Variants in TBC1D13 observed in about 807,000 individuals in gnomAD.
The protein encoded by TBC1D13 is TBC1 domain family member 13, also known as epididymis secretory sperm binding protein.
Under a neutral mutation model 53.6 loss-of-function variants are expected in TBC1D13, and 40 were observed. The ratio of observed to expected loss-of-function variants is 0.75; its 90% CI spans 0.58 to 0.97. TBC1D13 has a LOEUF of 0.97. TBC1D13 is among the 50% of genes least tolerant of loss of function. The pLI is 0.00. For missense variants in TBC1D13, 377 were observed against 499.4 expected (o/e 0.75, Z 2.34); for synonymous variants, 182 against 197.7 (o/e 0.92, Z 0.67).
At chr9:128,804,949 G>A (rs1440807086) in intron 9 of TBC1D13, among the ~76,000 whole-genome samples, 5 of 149,212 alleles carry the variant, frequency 3.4e-5, no homozygotes, top group African/African-American at 7.4e-5. Context: ...GGCTGGTCTC[G>A]AACTCCTGAC....
intron 7 of TBC1D13, among the ~76,000 whole-genome samples, chr9:128,799,769 C>T (rs918548060): frequency 6.6e-6 from 1 of 152,214 alleles, no homozygotes; most frequent in African/African-American, 2.4e-5. Context: ...CGCTTGTAAT[C>T]CCAGCACTTT....
chr9:128,801,679 A>G (rs1182624924), intron 7 of TBC1D13, among the ~76,000 whole-genome samples: 2 of 151,240 alleles, frequency 1.3e-5, no homozygotes, highest in Non-Finnish European at 2.9e-5. Context: ...ACTCTGTCTC[A>G]GGGGGGCAAA....
At position 128,803,340 on chromosome 9, in the gene TBC1D13, G is replaced by T. The variant is rs1163802084; in HGVS notation, c.634G>T (p.Glu212Ter). 1 of 1,614,224 alleles carries T rather than the reference G, an allele frequency of 6.2e-7. No individual in the cohort carries two copies. The highest frequency in any genetic ancestry group is 1.7e-5 in the Admixed American group (1 of 60,018). Reference sequence around the variant, plus strand: ...CTGTGAGGCCCACTGGGAGGTGGTGGAGCGGATCCTGTTCATCTACGCCAA... The same window carrying T: ...CTGTGAGGCCCACTGGGAGGTGGTGTAGCGGATCCTGTTCATCTACGCCAA... ...NGCEAHWEVVERILFIYAKLN... is the reference protein window; with the variant it reads ...NGCEAHWEVV The change falls in exon 8 of 12, where the codon GAG becomes TAG. Residue 212 changes from glutamate to a stop codon, truncating the protein, a stop_gained. Coordinates refer to ENST00000372648, the MANE Select transcript of TBC1D13 (RefSeq NM_018201.5). LOFTEE classifies it high-confidence loss of function.
intron 11 of TBC1D13, among the ~76,000 whole-genome samples, chr9:128,807,146 G>C (rs911136681): frequency 1.3e-5 from 2 of 149,510 alleles, no homozygotes; most frequent in African/African-American, 5.0e-5. Flanking sequence ...GAGTGCAGTG[G>C]TGCAATCTCG....
At chr9:128,791,203 G>A (rs150263171) in intron 3 of TBC1D13, among the ~76,000 whole-genome samples, 177 bp from the exon 4 acceptor site, 199 of 152,308 alleles carry the variant, frequency 1.3e-3, no homozygotes, top group African/African-American at 4.6e-3. Context: ...GGAGGAGGGA[G>A]GCAGTGGGGA....
Position 128,808,919 on chromosome 9 carries a change from C to T in TBC1D13, c.*1040C>T, listed in dbSNP as rs1044494157. The T allele has an allele frequency of 2.0e-5, 3 of 152,322 alleles. No individual in the cohort carries two copies. Among genetic ancestry groups the T allele is most frequent in the African/African-American group, 7.2e-5 (3 of 41,442 alleles). 9.4% of individuals were successfully genotyped at this position (152,322 alleles called of 1,614,324 possible). On this transcript the variant is annotated 3_prime_UTR_variant, in exon 12 of 12. Transcript: ENST00000372648. ...AGGGAGGGAGAAGGAAGAGGGGGAG[C>T]TGGTTTTTCTGGAGGTTCCCCCAGA...
chr9:128,808,315 G>A lies in TBC1D13; in HGVS notation c.*436G>A, dbSNP rs1829877772. On this transcript the variant is annotated 3_prime_UTR_variant, in exon 12 of 12. Transcript: ENST00000372648. Reference sequence around the variant, plus strand: ...ACTTCGGCTGCTCCACAGGGAAGGCGACACTGAAAGCTGAGTCCTGCCGTC... The same window carrying A: ...ACTTCGGCTGCTCCACAGGGAAGGCAACACTGAAAGCTGAGTCCTGCCGTC... 4.4e-6 allele frequency: 1 copy of A among 228,496 alleles called. No individual in the cohort carries two copies. Among genetic ancestry groups the A allele is most frequent in the Non-Finnish European group, 9.0e-6 (1 of 111,632 alleles). 14.2% of individuals were successfully genotyped at this position (228,496 alleles called of 1,614,324 possible).
chr9:128,808,216 CT>C lies in TBC1D13; in HGVS notation c.*339del. ...TCTGCCGCCCCAGCCTCAGTTCCTG[CT>C]TCTGGTCTTCTCCTGGGCTCCACTC... On this transcript the variant is annotated 3_prime_UTR_variant, in exon 12 of 12. Transcript: ENST00000372648. 2.9e-6 allele frequency: 1 copy of C among 342,730 alleles called. No individual in the cohort carries two copies. Among genetic ancestry groups the C allele is most frequent in the Non-Finnish European group, 5.7e-6 (1 of 176,776 alleles). 21.2% of individuals were successfully genotyped at this position (342,730 alleles called of 1,614,324 possible). A position where few individuals can be genotyped will look rare whatever the true frequency, so the allele number is the denominator to read the frequency against.
chr9:128,804,762 C>T (rs1472063874), intron 9 of TBC1D13, among the ~76,000 whole-genome samples: 10 of 107,818 alleles, frequency 9.3e-5, no homozygotes, highest in Non-Finnish European at 1.8e-5. Flanking sequence ...GACTCTCTCT[C>T]TCAGAGGCCA....
intron 2 of TBC1D13, among the ~76,000 whole-genome samples, chr9:128,788,906 C>G (rs1829478498): frequency 6.6e-6 from 1 of 152,184 alleles, no homozygotes. Flanking sequence ...AGGAGCTGAT[C>G]CTGCTGTGTT....
chr9:128,810,275 G>C lies in TBC1D13; in HGVS notation c.*2396G>C, dbSNP rs1443159640. The C allele has an allele frequency of 6.6e-6, 1 of 152,168 alleles. No individual in the cohort carries two copies. The highest frequency in any genetic ancestry group is 2.4e-5 in the African/African-American group (1 of 41,430). The allele number at this position is 152,168 out of a possible 1,614,324, so 9.4% of individuals were successfully genotyped here. ...TTCCTGCTTGAGAACCTGCCCCCTG[G>C]ATCTTGGACACTTACAGATTGAGCT... On this transcript the variant is annotated 3_prime_UTR_variant, in exon 12 of 12. Coordinates refer to ENST00000372648, the MANE Select transcript of TBC1D13 (RefSeq NM_018201.5).
At chr9:128,796,953 C>T (rs1008206329) in intron 6 of TBC1D13, 102 bp from the exon 7 acceptor site, 7 of 1,370,452 alleles carry the variant, frequency 5.1e-6, no homozygotes, top group Non-Finnish European at 7.1e-6. Context: ...AAAACAAAAA[C>T]AAAAAACAAT....
intron 11 of TBC1D13, 90 bp downstream of exon 11, chr9:128,806,401 CA>C (rs1829835414): frequency 6.7e-7 from 1 of 1,490,822 alleles, no homozygotes; most frequent in Non-Finnish European, 9.3e-7. Context: ...ACAGGCTGGG[CA>C]GGGGCAGCGG....
chr9:128,807,852 A>T lies in TBC1D13; in HGVS notation c.1176A>T (p.Lys392Asn). 1.2e-6 allele frequency: 2 copies of T among 1,614,212 alleles called. No individual in the cohort carries two copies. Among genetic ancestry groups the T allele is most frequent in the Non-Finnish European group, 1.7e-6 (2 of 1,180,038 alleles). The change falls in exon 12 of 12, where the codon AAA becomes AAT. Residue 392 changes from lysine (K) to asparagine (N), a missense_variant. Transcript: ENST00000372648. ...CAGATGTCTGCCAGATCCTGCAGAA[A>T]GCCAAGGAGCTCCAAGACTCAAAGT... ...PITDVCQILQKAKELQDSK is the reference protein window; with the variant it reads ...PITDVCQILQNAKELQDSK
chr9:128,799,526 C>CT (rs2132543917), intron 7 of TBC1D13, among the ~76,000 whole-genome samples: 1 of 152,310 alleles, frequency 6.6e-6, no homozygotes, highest in East Asian at 1.9e-4. Flanking sequence ...GCAGCCTGCC[C>CT]TGAAGTCCTG....
At chr9:128,793,202 A>T (rs1829566102) in intron 6 of TBC1D13, among the ~76,000 whole-genome samples, 1 of 152,236 alleles carries the variant, frequency 6.6e-6, no homozygotes, top group African/African-American at 2.4e-5. Flanking sequence ...CCAGGGTGGG[A>T]GATAGGGGCT....
At position 128,805,983 on chromosome 9, in the gene TBC1D13, T is replaced by C; in HGVS notation, c.1043T>C (p.Phe348Ser). 1 of 1,614,236 alleles carries C rather than the reference T, an allele frequency of 6.2e-7. No homozygotes were observed. ...WDSLFADDNR[F>S]DFLLLVCCAM... Reference sequence around the variant, plus strand: ...TCCCTCTTCGCCGATGACAACCGCTTTGACTTCCTCCTCCTCGTCTGCTGC... The same window carrying C: ...TCCCTCTTCGCCGATGACAACCGCTCTGACTTCCTCCTCCTCGTCTGCTGC... Residue 348 changes from phenylalanine (F) to serine (S), a missense_variant, in exon 10 of 12, where the codon TTT becomes TCT. By Grantham distance (155) the Phe-to-Ser change is radical. Transcript: ENST00000372648.
At position 128,807,738 on chromosome 9, in the gene TBC1D13, T is replaced by G; in HGVS notation, c.1138-76T>G. Reference sequence around the variant, plus strand: ...GCCCAGGATCCAGCATGGCAACGGGTCCCAGCAGGGAGGGTGTGGGTGTGG... The same window carrying G: ...GCCCAGGATCCAGCATGGCAACGGGGCCCAGCAGGGAGGGTGTGGGTGTGG... On this transcript the variant is annotated intron_variant, in intron 11 of 11. Coordinates refer to ENST00000372648, the MANE Select transcript of TBC1D13 (RefSeq NM_018201.5). 3 of 1,488,678 alleles carry G rather than the reference T, an allele frequency of 2.0e-6. 1 individual carries two copies. The South Asian group carries it at 3.4e-5, about 17-fold the overall frequency. The allele number at this position is 1,488,678 out of a possible 1,614,324, so 92.2% of individuals were successfully genotyped here.
In TBC1D13 at chr9:128,808,047, G is replaced by A. The variant is rs1028407398; in HGVS notation, c.*168G>A. On this transcript the variant is annotated 3_prime_UTR_variant, in exon 12 of 12. Transcript: ENST00000372648. Reference sequence around the variant, plus strand: ...CACACTGTGCCGTGCTCCTTCTGCCGCCACGCCCAGCTCCCCACCTGCCCT... The same window carrying A: ...CACACTGTGCCGTGCTCCTTCTGCCACCACGCCCAGCTCCCCACCTGCCCT... 26 of 642,208 alleles carry A rather than the reference G, an allele frequency of 4.0e-5. No individual in the cohort carries two copies. The Middle Eastern group carries it at 2.5e-3, about 61-fold the overall frequency. The allele number at this position is 642,208 out of a possible 1,614,324, so 39.8% of individuals were successfully genotyped here.
Sources: gnomAD v4.1 joint callset for allele counts (sites outside exome capture counted in the v4.1 genomes callset) on GRCh38, gnomAD v4.1.1 for gene constraint, MANE v1.5 for transcripts, NCBI Gene and HGNC (gene_info 2026-07-23, HGNC 2026-07-21) for gene names.